ECSIT: variants seen among roughly 807,000 people sequenced by gnomAD.
ECSIT encodes evolutionarily conserved signaling intermediate in Toll pathway, mitochondrial.
In ECSIT, 29 loss-of-function variants were observed where a neutral mutation model predicts 36.8. The ratio of observed to expected loss-of-function variants is 0.79; its 90% CI spans 0.59 to 1.08. The LOEUF is 1.08. Ranked by LOEUF, ECSIT falls within the 50% of genes least tolerant of loss-of-function variation. ECSIT has a pLI of 0.00. For missense variants in ECSIT, 542 were observed against 581.0 expected (o/e 0.93, Z 0.69); for synonymous variants, 231 against 234.8 (o/e 0.98, Z 0.15).
rs762010007 is a variant in ECSIT, at chr19:11,514,195, G to A, written c.123C>T (p.Leu41=). ...AGCTATGGGCAGCTGCGCTGCAGTG[G>A]AGGCCCCGAGGGAGCCGGCGAGGGA... ...SQVPRRLPRG[L]HCSAAAHSSE... is the part of the protein sequence containing the mutation. Residue 41 remains leucine, a synonymous_variant, in exon 3 of 8, where the codon CTC becomes CTT. Transcript: ENST00000270517. 7 of 1,606,984 alleles carry A rather than the reference G, an allele frequency of 4.4e-6. No homozygotes were observed. The highest frequency in any genetic ancestry group is 6.0e-6 in the Non-Finnish European group (7 of 1,175,930).
chr19:11,528,383 C>G (rs116967517), intron 1 of ECSIT, among the ~76,000 whole-genome samples: 1 of 152,292 alleles, frequency 6.6e-6, no homozygotes, highest in African/African-American at 2.4e-5. Context: ...TCCCGAGTAG[C>G]TAGGACTACA....
intron 2 of ECSIT, among the ~76,000 whole-genome samples, chr19:11,516,680 TATCTAC>T (rs1214097589): frequency 2.2e-5 from 3 of 139,228 alleles, no homozygotes; most frequent in African/African-American, 9.3e-5. Context: ...TGTGTGTGTT[TATCTAC>T]ACACACACAC....
chr19:11,518,256 G>A (rs1972036400), intron 2 of ECSIT, among the ~76,000 whole-genome samples: 1 of 151,972 alleles, frequency 6.6e-6, no homozygotes, highest in Non-Finnish European at 1.5e-5. Context: ...GCAAAACCGC[G>A]TCTCTACTAA....
chr19:11,525,010 G>A (rs1024381286), intron 1 of ECSIT, among the ~76,000 whole-genome samples: 51 of 151,956 alleles, frequency 3.4e-4, no homozygotes, highest in African/African-American at 1.2e-3. Flanking sequence ...GGTGGCGGGC[G>A]CCTATAATCC....
intron 1 of ECSIT, among the ~76,000 whole-genome samples, chr19:11,527,413 G>A (rs1225165909): frequency 6.6e-6 from 1 of 152,172 alleles, no homozygotes; most frequent in Non-Finnish European, 1.5e-5. Context: ...GGGCACACTG[G>A]CTCATGCCTG....
At chr19:11,518,960 G>T in intron 2 of ECSIT, 115 bp downstream of exon 2, 1 of 860,170 alleles carries the variant, frequency 1.2e-6, no homozygotes, top group Non-Finnish European at 1.9e-6. Flanking sequence ...CCTCGGCACT[G>T]ATAGGCCAGC....
intron 2 of ECSIT, 149 bp from the exon 3 acceptor site, chr19:11,514,370 AT>A: frequency 1.3e-6 from 1 of 750,690 alleles, no homozygotes; most frequent in Non-Finnish European, 2.1e-6. Context: ...ATTCGAGGCC[AT>A]TACAAAGTGC....
chr19:11,514,317 C>T (rs1489983580), intron 2 of ECSIT, 96 bp from the exon 3 acceptor site: 2 of 1,210,468 alleles, frequency 1.7e-6, no homozygotes, highest in Admixed American at 2.8e-5. Flanking sequence ...CCAGTGGCCT[C>T]CCTGAGGACT....
Position 11,507,762 on chromosome 19 carries a change from G to T in ECSIT, c.885C>A (p.Leu295=). 2 of 1,614,120 alleles carry T rather than the reference G, an allele frequency of 1.2e-6. No homozygotes were observed. ...TGTGGTAATACACACACTTGTTGCG[G>T]AGCCACAGGGAGAAGGGGCCCTCAA... ...VFVEGPFSLW[L]RNKCVYYHIL... Residue 295 remains leucine, a synonymous_variant, in exon 6 of 8, where the codon CTC becomes CTA. Transcript: ENST00000270517.
At chr19:11,527,806 A>G (rs534608870) in intron 1 of ECSIT, among the ~76,000 whole-genome samples, 3 of 152,218 alleles carry the variant, frequency 2.0e-5, no homozygotes, top group Non-Finnish European at 4.4e-5. Context: ...CCTGGACAAC[A>G]TAGCAGGACA....
chr19:11,525,595 G>C (rs1972197309), intron 1 of ECSIT: 1 of 151,950 alleles, frequency 6.6e-6, no homozygotes, highest in Admixed American at 6.6e-5. Flanking sequence ...GCAACATTTG[G>C]AAGTTTATTA....
In ECSIT at chr19:11,506,204, G is replaced by C. The variant is rs1971731712; in HGVS notation, c.1276C>G (p.Gln426Glu). Residue 426 changes from glutamine (Q) to glutamate (E), a missense_variant, in exon 8 of 8, where the codon CAG becomes GAG. Physicochemically the swap from Gln to Glu is conservative, Grantham distance 29 (BLOSUM62 2). Coordinates refer to ENST00000270517, the MANE Select transcript of ECSIT (RefSeq NM_016581.5). ...TCAGACTAGCTCTGGCCCTGCTGCT[G>C]TCGCTGCAGGTTGTCGTCTTCTTCC... ...HQEEDDNLQR[Q>E]QQGQS 1 of 1,606,506 alleles carries C rather than the reference G, an allele frequency of 6.2e-7. No individual in the cohort carries two copies. Among genetic ancestry groups the C allele is most frequent in the Admixed American group, 1.7e-5 (1 of 60,012 alleles).
chr19:11,507,768 C>T lies in ECSIT; in HGVS notation c.879G>A (p.Leu293=). 1.2e-6 allele frequency: 2 copies of T among 1,614,130 alleles called. No homozygotes were observed. The highest frequency in any genetic ancestry group is 1.7e-6 in the Non-Finnish European group (2 of 1,180,044). ...RPVFVEGPFS[L]WLRNKCVYYH... ...AATACACACACTTGTTGCGGAGCCA[C>T]AGGGAGAAGGGGCCCTCAACAAAGA... The change falls in exon 6 of 8, where the codon CTG becomes CTA. Residue 293 remains leucine, a synonymous_variant. Coordinates refer to ENST00000270517, the MANE Select transcript of ECSIT (RefSeq NM_016581.5).
At chr19:11,507,386 C>T in intron 7 of ECSIT, 71 bp downstream of exon 7, 1 of 1,279,128 alleles carries the variant, frequency 7.8e-7, no homozygotes, top group Non-Finnish European at 1.1e-6. Flanking sequence ...AGTGATCCTC[C>T]CACCTCAGCC....
intron 1 of ECSIT, chr19:11,522,265 C>A (rs190099863): frequency 3.1e-6 from 2 of 637,388 alleles, no homozygotes; most frequent in Admixed American, 2.3e-5. Context: ...ATATTGGGAC[C>A]TGACCACCAC....
At chr19:11,522,332 A>T in intron 1 of ECSIT, 1 of 735,454 alleles carries the variant, frequency 1.4e-6, no homozygotes, top group East Asian at 2.6e-5. Context: ...ACCTGGACCC[A>T]TTCCATCCAG....
chr19:11,521,307 G>A (rs1972097971), intron 1 of ECSIT, among the ~76,000 whole-genome samples: 1 of 152,158 alleles, frequency 6.6e-6, no homozygotes, highest in African/African-American at 2.4e-5. Context: ...TCAAACTGCT[G>A]AGACATATGG....
chr19:11,522,433 C>T lies in ECSIT; in HGVS notation c.-23-3240G>A, dbSNP rs1972124629. Reference sequence around the variant, plus strand: ...CTCCAAGATCAAGTTCCCGCTGCCCCACCAGGTCCTGCGCCATCAGCACAA... The same window carrying T: ...CTCCAAGATCAAGTTCCCGCTGCCCTACCAGGTCCTGCGCCATCAGCACAA... On this transcript the variant is annotated intron_variant, in intron 1 of 7. Transcript: ENST00000270517. The T allele has an allele frequency of 6.2e-6, 9 of 1,453,308 alleles. No homozygotes were observed. The South Asian group carries it at 8.1e-5, about 13-fold the overall frequency. 90.0% of individuals were successfully genotyped at this position (1,453,308 alleles called of 1,614,324 possible).
intron 2 of ECSIT, 79 bp from the exon 3 acceptor site, chr19:11,514,300 A>G (rs1599581629): frequency 7.2e-7 from 1 of 1,384,862 alleles, no homozygotes; most frequent in East Asian, 2.4e-5. Flanking sequence ...CTTTCCTCAG[A>G]GAGGTCCCAG....
Sources: gnomAD v4.1 joint callset for allele counts (sites outside exome capture counted in the v4.1 genomes callset) on GRCh38, gnomAD v4.1.1 for gene constraint, MANE v1.5 for transcripts, NCBI Gene and HGNC (gene_info 2026-07-23, HGNC 2026-07-21) for gene names.